Variants in HS3ST4 observed in about 807,000 individuals in gnomAD.
HS3ST4 encodes heparan sulfate glucosamine 3-O-sulfotransferase 4.
In HS3ST4, 17 loss-of-function variants were observed where a neutral mutation model predicts 29.2. That is an observed-to-expected ratio of 0.58 (90% CI 0.40 to 0.87). HS3ST4 has a LOEUF of 0.87. Ranked by LOEUF, HS3ST4 falls within the 40% of genes least tolerant of loss-of-function variation. HS3ST4 has a pLI of 0.00. For synonymous variants in HS3ST4, 314 were observed against 285.7 expected, an observed-to-expected ratio of 1.10 and a Z score of -1.00; for missense variants, 627 against 634.5, an observed-to-expected ratio of 0.99 and a Z score of 0.13.
At chr16:26,112,352 C>T (rs1441529401) in intron 1 of HS3ST4, among the ~76,000 whole-genome samples, 1 of 146,698 alleles carries the variant, frequency 6.8e-6, no homozygotes, top group Non-Finnish European at 1.5e-5. Context: ...CACATTATAA[C>T]CAGGCTTGAA....
intron 1 of HS3ST4, among the ~76,000 whole-genome samples, chr16:25,999,853 T>TTATATATATATTATATATTTTATATATAA (rs1567290780): frequency 7.4e-5 from 10 of 134,258 alleles, no homozygotes; most frequent in African/African-American, 2.9e-4. Context: ...TTTATATATA[T>TTATATATATATTATATATTTTATATATAA]TATATATATA....
intron 1 of HS3ST4, among the ~76,000 whole-genome samples, chr16:26,002,480 G>A (rs1969220249): frequency 6.6e-6 from 1 of 152,094 alleles, no homozygotes; most frequent in South Asian, 2.1e-4. Flanking sequence ...TAGTGGAAGA[G>A]GTTGACATTC....
chr16:26,067,987 G>A (rs896380569), intron 1 of HS3ST4, among the ~76,000 whole-genome samples: 1 of 152,156 alleles, frequency 6.6e-6, no homozygotes, highest in Non-Finnish European at 1.5e-5. Flanking sequence ...TTGAAGCTCT[G>A]TCCTTTGTGA....
intron 1 of HS3ST4, among the ~76,000 whole-genome samples, chr16:25,924,873 C>G (rs1440258751): frequency 1.3e-5 from 2 of 152,088 alleles, no homozygotes; most frequent in Non-Finnish European, 2.9e-5. Flanking sequence ...CAGCAGGGTT[C>G]TGGTGTCAAT....
rs545515435 is a variant in HS3ST4 at position 25,963,126 on chromosome 16, C to A, written c.735-172486C>A. On this transcript the variant is annotated intron_variant, in intron 1 of 1. Transcript: ENST00000331351. Reference sequence around the variant, plus strand: ...GTGGACTTTTGAGCAAATGTAGAATCACTTACTTGATGTCACATTGACATC... The same window carrying A: ...GTGGACTTTTGAGCAAATGTAGAATAACTTACTTGATGTCACATTGACATC... 3.0e-4 allele frequency among the ~76,000 whole-genome samples: 46 copies of A among 152,242 alleles called. 2 individuals carry two copies. In the South Asian group the frequency reaches 9.5e-3, roughly 32 times the overall value.
At chr16:25,813,970 C>G (rs899975598) in intron 1 of HS3ST4, among the ~76,000 whole-genome samples, 3 of 152,134 alleles carry the variant, frequency 2.0e-5, no homozygotes, top group Non-Finnish European at 4.4e-5. Flanking sequence ...ATAGATGCAG[C>G]TCAGAAAACA....
At chr16:26,044,510 G>A (rs900340811) in intron 1 of HS3ST4, among the ~76,000 whole-genome samples, 9 of 152,218 alleles carry the variant, frequency 5.9e-5, no homozygotes, top group Non-Finnish European at 1.0e-4. Context: ...ACTCCATGGG[G>A]ATGGAAGCTC....
intron 1 of HS3ST4, among the ~76,000 whole-genome samples, chr16:25,934,338 A>G (rs1968497076): frequency 6.6e-6 from 1 of 152,246 alleles, no homozygotes; most frequent in Non-Finnish European, 1.5e-5. Context: ...CAAAGACCTC[A>G]TAGCACAGAT....
At chr16:26,023,281 C>A (rs902972276) in intron 1 of HS3ST4, among the ~76,000 whole-genome samples, 2 of 151,652 alleles carry the variant, frequency 1.3e-5, no homozygotes, top group Admixed American at 6.6e-5. Context: ...ACTATATATA[C>A]ATAAATATAT....
At chr16:25,996,137 C>A (rs569244956) in intron 1 of HS3ST4, among the ~76,000 whole-genome samples, 1 of 152,196 alleles carries the variant, frequency 6.6e-6, no homozygotes, top group South Asian at 2.1e-4. Context: ...AGATTTGGGA[C>A]CAAAGCACCT....
chr16:25,715,975 C>T (rs1966451411), intron 1 of HS3ST4, among the ~76,000 whole-genome samples: 1 of 152,178 alleles, frequency 6.6e-6, no homozygotes, highest in Non-Finnish European at 1.5e-5. Flanking sequence ...TCCATCGTGG[C>T]AGGGAAAGAG....
rs142336784 is a variant in HS3ST4, at chr16:25,820,010, C to CAAAAAAAA, written c.734+126891_734+126898dup. On this transcript the variant is annotated intron_variant, in intron 1 of 1. Transcript: ENST00000331351. ...TGGGTGACAGAGTGATACTCTGTCT[C>CAAAAAAAA]AAAAAAAAAAAAAAAAAAAAAAAAA... Among the ~76,000 whole-genome samples the CAAAAAAAA allele has an allele frequency of 1.4e-3, 64 of 46,934 alleles. 2 individuals carry two copies. The highest frequency in any genetic ancestry group is 1.7e-3 in the African/African-American group (15 of 9,008). 30.8% of individuals were successfully genotyped at this position (46,934 alleles called of 152,430 possible).
chr16:25,905,611 C>T (rs1968171150), intron 1 of HS3ST4, among the ~76,000 whole-genome samples: 1 of 152,096 alleles, frequency 6.6e-6, no homozygotes, highest in South Asian at 2.1e-4. Flanking sequence ...AAAGACAGCA[C>T]ACAGACTCAG....
intron 1 of HS3ST4, among the ~76,000 whole-genome samples, chr16:26,127,982 A>C (rs1899368124): frequency 6.6e-6 from 1 of 151,858 alleles, no homozygotes. Context: ...TTCCAAGCCG[A>C]GCTCCTCTTT....
chr16:25,865,726 G>A (rs912355534), intron 1 of HS3ST4, among the ~76,000 whole-genome samples: 1 of 152,118 alleles, frequency 6.6e-6, no homozygotes. Context: ...ATAGGGAAAG[G>A]ACAGCCTCTT....
At chr16:26,021,105 AT>A (rs1440942087) in intron 1 of HS3ST4, among the ~76,000 whole-genome samples, 1 of 152,228 alleles carries the variant, frequency 6.6e-6, no homozygotes, top group East Asian at 1.9e-4. Context: ...GAGTGAGGTA[AT>A]GATCACTGCA....
intron 1 of HS3ST4, among the ~76,000 whole-genome samples, chr16:26,019,011 C>G (rs896940228): frequency 1.3e-5 from 2 of 152,170 alleles, no homozygotes; most frequent in Non-Finnish European, 2.9e-5. Flanking sequence ...AATCCCTGCT[C>G]TATACTCTGT....
At chr16:26,057,726 G>C (rs948270621) in intron 1 of HS3ST4, among the ~76,000 whole-genome samples, 7 of 151,684 alleles carry the variant, frequency 4.6e-5, no homozygotes, top group Non-Finnish European at 7.3e-5. Context: ...CCTGGTGACA[G>C]AATGAGGCTC....
chr16:25,951,001 ACTCCC>A, intron 1 of HS3ST4, among the ~76,000 whole-genome samples: 1 of 152,008 alleles, frequency 6.6e-6, no homozygotes, highest in Non-Finnish European at 1.5e-5. Context: ...CAGCATGTAG[ACTCCC>A]AGCTGTTTTT....
Sources: gnomAD v4.1 joint callset for allele counts (sites outside exome capture counted in the v4.1 genomes callset) on GRCh38, gnomAD v4.1.1 for gene constraint, MANE v1.5 for transcripts, NCBI Gene and HGNC (gene_info 2026-07-23, HGNC 2026-07-21) for gene names.